Variants in RCAN2 observed in about 807,000 individuals in gnomAD.
RCAN2 encodes calcipressin-2.
Under a neutral mutation model 23.6 loss-of-function variants are expected in RCAN2, and 9 were observed. The ratio of observed to expected loss-of-function variants is 0.38; its 90% CI spans 0.23 to 0.67. The LOEUF is 0.67. RCAN2 is among the 30% of genes least tolerant of loss of function. RCAN2 has a pLI of 0.51. For synonymous variants in RCAN2, 109 were observed against 115.7 expected (o/e 0.94, Z 0.37); for missense variants, 273 against 302.3 (o/e 0.90, Z 0.72).
intron 1 of RCAN2, among the ~76,000 whole-genome samples, chr6:46,474,189 C>A (rs1437554534): frequency 6.6e-6 from 1 of 151,238 alleles, no homozygotes; most frequent in Non-Finnish European, 1.5e-5. Context: ...GAGAGGAATG[C>A]AGCAGACATT....
intron 2 of RCAN2, among the ~76,000 whole-genome samples, chr6:46,339,815 T>C (rs762473680): frequency 6.6e-6 from 1 of 152,080 alleles, no homozygotes; most frequent in Non-Finnish European, 1.5e-5. Flanking sequence ...CCTGTATATA[T>C]ACAAAGGAGG....
At chr6:46,268,594 C>T (rs1287620283) in intron 2 of RCAN2, among the ~76,000 whole-genome samples, 3 of 152,156 alleles carry the variant, frequency 2.0e-5, no homozygotes, top group Admixed American at 6.5e-5. Context: ...AGGTGATAAA[C>T]ATTTCAAGTC....
chr6:46,447,561 G>A (rs1463706455), intron 2 of RCAN2, among the ~76,000 whole-genome samples: 2 of 151,830 alleles, frequency 1.3e-5, no homozygotes, highest in East Asian at 3.8e-4. Flanking sequence ...CTTTTCAAGT[G>A]TACACATAAT....
chr6:46,476,975 C>CTGAATGA (rs1768730540), intron 1 of RCAN2, among the ~76,000 whole-genome samples: 1 of 152,082 alleles, frequency 6.6e-6, no homozygotes, highest in Non-Finnish European at 1.5e-5. Flanking sequence ...TCAATCATAC[C>CTGAATGA]TGAATGATGA....
chr6:46,296,856 C>T (rs1582077776), intron 2 of RCAN2, among the ~76,000 whole-genome samples: 1 of 152,240 alleles, frequency 6.6e-6, no homozygotes, highest in East Asian at 1.9e-4. Flanking sequence ...TAAATCTCTT[C>T]TGCTACCAGT....
chr6:46,483,644 A>T (rs1362730285), intron 1 of RCAN2, among the ~76,000 whole-genome samples: 1 of 152,224 alleles, frequency 6.6e-6, no homozygotes, highest in Non-Finnish European at 1.5e-5. Flanking sequence ...TTACCTTGTC[A>T]AATTTTGAAG....
chr6:46,461,595 T>C (rs895363590), intron 1 of RCAN2, among the ~76,000 whole-genome samples: 3 of 151,868 alleles, frequency 2.0e-5, no homozygotes, highest in African/African-American at 4.8e-5. Flanking sequence ...TTTTTTTTTT[T>C]TTCTTTTGAG....
intron 4 of RCAN2, among the ~76,000 whole-genome samples, chr6:46,238,612 G>A (rs1000835400): frequency 6.6e-6 from 1 of 152,100 alleles, no homozygotes; most frequent in East Asian, 1.9e-4. Flanking sequence ...GGAGTCCAGG[G>A]GCAGGATCAC....
chr6:46,270,637 C>A (rs1382832582), intron 2 of RCAN2, among the ~76,000 whole-genome samples: 1 of 152,184 alleles, frequency 6.6e-6, no homozygotes, highest in Non-Finnish European at 1.5e-5. Flanking sequence ...TTAAATAATA[C>A]AATCTGTCAA....
chr6:46,283,755 T>C (rs1762276153), intron 2 of RCAN2, among the ~76,000 whole-genome samples: 1 of 152,234 alleles, frequency 6.6e-6, no homozygotes. Context: ...TTTCCCATTT[T>C]ATTATGAGGT....
intron 1 of RCAN2, among the ~76,000 whole-genome samples, chr6:46,465,058 C>A (rs1409754387): frequency 6.6e-6 from 1 of 152,076 alleles, no homozygotes; most frequent in East Asian, 1.9e-4. Flanking sequence ...GAGGAAGACC[C>A]TCAAATTTAC....
rs542462137 is a variant in RCAN2 at position 46,458,171 on chromosome 6, G to A, written c.-2-1193C>T. 4.6e-5 allele frequency among the ~76,000 whole-genome samples: 7 copies of A among 152,312 alleles called. No individual in the cohort carries two copies. The South Asian group carries it at 1.2e-3, about 27-fold the overall frequency. On this transcript the variant is annotated intron_variant, in intron 1 of 4. Coordinates refer to ENST00000371374, the MANE Select transcript of RCAN2 (RefSeq NM_001251974.2). ...CATCATCACAGATGCTCAGAGCAAA[G>A]GACAGAAAGGTGGGTACCACTAAAC... is the stretch of plus-strand genomic sequence containing the variant.
chr6:46,333,652 C>T (rs994028129), intron 2 of RCAN2, among the ~76,000 whole-genome samples: 3 of 152,206 alleles, frequency 2.0e-5, no homozygotes, highest in Non-Finnish European at 4.4e-5. Flanking sequence ...AAGTTTGTTT[C>T]TCCACAGTAT....
At chr6:46,264,940 C>T (rs975775912) in intron 2 of RCAN2, among the ~76,000 whole-genome samples, 15 of 152,166 alleles carry the variant, frequency 9.9e-5, no homozygotes, top group African/African-American at 3.4e-4. Context: ...AGAGATTAAA[C>T]GATCTGCCTA....
At chr6:46,227,476 C>A (rs555379391) in intron 4 of RCAN2, among the ~76,000 whole-genome samples, 28 of 152,236 alleles carry the variant, frequency 1.8e-4, no homozygotes, top group Admixed American at 7.8e-4. Context: ...TGTTATTGGT[C>A]TATTCAGGGA....
chr6:46,310,623 C>A (rs1210259819), intron 2 of RCAN2, among the ~76,000 whole-genome samples: 4 of 152,054 alleles, frequency 2.6e-5, no homozygotes, highest in African/African-American at 9.7e-5. Flanking sequence ...TGGCTTATTT[C>A]TCCATAGTAC....
intron 2 of RCAN2, among the ~76,000 whole-genome samples, chr6:46,277,602 T>C (rs976228867): frequency 6.8e-6 from 1 of 147,672 alleles, no homozygotes; most frequent in Non-Finnish European, 1.5e-5. Context: ...TTTTTTTTTA[T>C]AGAAAGTAGG....
intron 2 of RCAN2, among the ~76,000 whole-genome samples, chr6:46,390,562 G>A (rs1053235260): frequency 4.6e-5 from 7 of 152,166 alleles, no homozygotes; most frequent in African/African-American, 1.7e-4. Flanking sequence ...GTCAGTTAGT[G>A]ACCTCTTATT....
At chr6:46,480,123 A>G (rs1376883232) in intron 1 of RCAN2, among the ~76,000 whole-genome samples, 2 of 152,226 alleles carry the variant, frequency 1.3e-5, no homozygotes, top group Non-Finnish European at 2.9e-5. Context: ...CCACTTTGAC[A>G]AGGAATGGTG....
Sources: gnomAD v4.1 joint callset for allele counts (sites outside exome capture counted in the v4.1 genomes callset) on GRCh38, gnomAD v4.1.1 for gene constraint, MANE v1.5 for transcripts, NCBI Gene and HGNC (gene_info 2026-07-23, HGNC 2026-07-21) for gene names.